PCDHA9: variants seen among roughly 807,000 people sequenced by gnomAD.
PCDHA9 encodes protocadherin alpha-9.
In PCDHA9, 62 loss-of-function variants were observed where a neutral mutation model predicts 62.0. That is an observed-to-expected ratio of 1.00 (90% confidence interval 0.81 to 1.23). The LOEUF (loss-of-function observed/expected upper bound fraction) is 1.23. PCDHA9 is among the 50% of genes most tolerant of loss of function. PCDHA9 has a pLI of 0.00. For synonymous variants in PCDHA9, 557 were observed against 567.6 expected (o/e 0.98, Z 0.27); for missense variants, 1,205 against 1,249.8 (o/e 0.96, Z 0.54).
intron 1 of PCDHA9, among the ~76,000 whole-genome samples, chr5:140,945,952 G>A (rs2093866662): frequency 6.6e-6 from 1 of 151,910 alleles, no homozygotes; most frequent in African/African-American, 2.4e-5. Context: ...ATATGACCCT[G>A]AAAGCACAGG....
intron 1 of PCDHA9, among the ~76,000 whole-genome samples, chr5:140,964,874 A>C (rs1443431100): frequency 6.6e-6 from 1 of 152,178 alleles, no homozygotes; most frequent in East Asian, 1.9e-4. Flanking sequence ...GACAAATAAG[A>C]AGCAGCAGTG....
intron 2 of PCDHA9, among the ~76,000 whole-genome samples, chr5:140,981,353 C>A (rs551731316): frequency 6.6e-6 from 1 of 152,166 alleles, no homozygotes; most frequent in South Asian, 2.1e-4. Context: ...GCAGGTGGAT[C>A]ACTTGAGGTC....
At chr5:140,888,959 A>G (rs1554183707) in intron 1 of PCDHA9, among the ~76,000 whole-genome samples, 1 of 152,024 alleles carries the variant, frequency 6.6e-6, no homozygotes, top group African/African-American at 2.4e-5. Flanking sequence ...TTCTTTGGCA[A>G]TGTTAATGTG....
In PCDHA9 at chr5:140,850,761, C is replaced by T. The variant is rs2150497421; in HGVS notation, c.2266C>T (p.Gln756Ter). ...TTGGTCGTACTCGCAGCAGAGGAGGCAGAGGGTGTGCTCTGGCGAGGGTAA... is the reference window on the plus strand; with the variant it reads ...TTGGTCGTACTCGCAGCAGAGGAGGTAGAGGGTGTGCTCTGGCGAGGGTAA... Reference protein sequence around the residue: ...GSWSYSQQRRQRVCSGEGKQK... With the variant: ...GSWSYSQQRR The change falls in exon 1 of 4, where the codon CAG becomes TAG. Residue 756 changes from glutamine (Q) to a stop codon, truncating the protein, a stop_gained. Coordinates refer to ENST00000532602, the MANE Select transcript of PCDHA9 (RefSeq NM_031857.2). LOFTEE classifies it high-confidence loss of function. The T allele has an allele frequency of 1.4e-5, 23 of 1,597,888 alleles. 2 individuals are homozygous for T. In the Admixed American group the frequency reaches 1.5e-4, roughly 11 times the overall value.
At chr5:140,901,006 C>T (rs2068410974) in intron 1 of PCDHA9, among the ~76,000 whole-genome samples, 2 of 152,070 alleles carry the variant, frequency 1.3e-5, no homozygotes, top group African/African-American at 4.8e-5. Flanking sequence ...AGTATGTCTT[C>T]TTTTGAGAAA....
At chr5:140,851,027 C>A in intron 1 of PCDHA9, 138 bp downstream of exon 1, 2 of 1,410,188 alleles carry the variant, frequency 1.4e-6, no homozygotes, top group Non-Finnish European at 1.9e-6. Flanking sequence ...TAAAGTAAAC[C>A]CCTTAACATT....
Position 140,883,541 on chromosome 5 carries a change from G to T in PCDHA9, c.2394+32652G>T, listed in dbSNP as rs781952906. On this transcript the variant is annotated intron_variant, in intron 1 of 3. Coordinates refer to ENST00000532602, the MANE Select transcript of PCDHA9 (RefSeq NM_031857.2). Reference sequence around the variant, plus strand: ...GAGCGTATCAGCCTATGAACTGGTGGTGACCGCGCGGGACGGGGGCTCGCC... The same window carrying T: ...GAGCGTATCAGCCTATGAACTGGTGTTGACCGCGCGGGACGGGGGCTCGCC... 4.3e-6 allele frequency: 7 copies of T among 1,614,116 alleles called. No individual in the cohort carries two copies. In the East Asian group the frequency reaches 1.1e-4, roughly 26 times the overall value.
intron 1 of PCDHA9, among the ~76,000 whole-genome samples, chr5:140,953,819 G>A (rs782420849): frequency 1.3e-5 from 2 of 151,904 alleles, no homozygotes; most frequent in Non-Finnish European, 1.5e-5. Context: ...GCATGTGCTA[G>A]TTGTGCAGGT....
intron 1 of PCDHA9, chr5:140,870,462 G>C: frequency 1.2e-6 from 2 of 1,614,196 alleles, no homozygotes; most frequent in Non-Finnish European, 1.7e-6. Flanking sequence ...ATGCGCCTGC[G>C]TTCGCACAGC....
chr5:140,927,805 C>T (rs2084654444), intron 1 of PCDHA9: 1 of 1,614,074 alleles, frequency 6.2e-7, no homozygotes, highest in South Asian at 1.1e-5. Context: ...GCCTGAAACG[C>T]TCTTGGAGGC....
chr5:140,971,414 AT>A (rs2096477673), intron 1 of PCDHA9, among the ~76,000 whole-genome samples: 1 of 152,166 alleles, frequency 6.6e-6, no homozygotes, highest in African/African-American at 2.4e-5. Flanking sequence ...ACTTTTGGAA[AT>A]CCAGTGAAGA....
At chr5:140,897,188 A>AT (rs1353420094) in intron 1 of PCDHA9, among the ~76,000 whole-genome samples, 5 of 152,104 alleles carry the variant, frequency 3.3e-5, no homozygotes, top group African/African-American at 7.2e-5. Flanking sequence ...CAAAAAATAT[A>AT]TTTTTTTATT....
In PCDHA9 at chr5:140,927,525, T is replaced by G. The variant is rs782496581; in HGVS notation, c.2395-51424T>G. ...TTACAGCTCGGGACGGCGGGCTACC[T>G]GCCCGCTCAGGAGACGCACAAGTCA... On this transcript the variant is annotated intron_variant, in intron 1 of 3. Transcript: ENST00000532602. 3.1e-6 allele frequency: 5 copies of G among 1,614,088 alleles called. 1 individual carries two copies. In the South Asian group the frequency reaches 5.5e-5, roughly 18 times the overall value.
chr5:140,891,876 G>C (rs781983742), intron 1 of PCDHA9, among the ~76,000 whole-genome samples: 9 of 152,186 alleles, frequency 5.9e-5, no homozygotes, highest in Non-Finnish European at 1.2e-4. Context: ...TTTTGGCTCT[G>C]TCATGTGACG....
chr5:140,950,015 T>C (rs2094440217), intron 1 of PCDHA9, among the ~76,000 whole-genome samples: 1 of 151,906 alleles, frequency 6.6e-6, no homozygotes, highest in Admixed American at 6.6e-5. Context: ...TGTACAACCT[T>C]CATAAAATAT....
At chr5:140,879,229 T>C (rs1415984062) in intron 1 of PCDHA9, among the ~76,000 whole-genome samples, 2 of 152,102 alleles carry the variant, frequency 1.3e-5, no homozygotes, top group African/African-American at 2.4e-5. Context: ...AAAAGACATA[T>C]ACAAGAGGCA....
At chr5:140,927,669 T>G in intron 1 of PCDHA9, 1 of 1,614,106 alleles carries the variant, frequency 6.2e-7, no homozygotes. Context: ...AAGCCTTGGA[T>G]CCAGATGAAG....
chr5:140,867,581 T>C (rs1322597888), intron 1 of PCDHA9: 1 of 152,170 alleles, frequency 6.6e-6, no homozygotes, highest in Non-Finnish European at 1.5e-5. Context: ...GCCCTTGCAG[T>C]ATTTTTAGAT....
At chr5:140,874,326 GT>G (rs150189539) in intron 1 of PCDHA9, among the ~76,000 whole-genome samples, 3,860 of 152,194 alleles carry the variant, frequency 0.025, 154 homozygotes, top group African/African-American at 0.088. Flanking sequence ...GATCTTATCT[GT>G]TTTTTTCTCT....
Sources: gnomAD v4.1 joint callset for allele counts (sites outside exome capture counted in the v4.1 genomes callset) on GRCh38, gnomAD v4.1.1 for gene constraint, MANE v1.5 for transcripts, NCBI Gene and HGNC (gene_info 2026-07-23, HGNC 2026-07-21) for gene names.